SLC24A2: variants seen among roughly 807,000 people sequenced by gnomAD.
SLC24A2 encodes the protein sodium/potassium/calcium exchanger 2.
Under a neutral mutation model 62.0 loss-of-function variants are expected in SLC24A2, and 36 were observed. The ratio of observed to expected loss-of-function variants is 0.58; its 90% CI spans 0.44 to 0.77. SLC24A2 has a LOEUF of 0.77. Ranked by LOEUF, SLC24A2 falls within the 30% of genes least tolerant of loss-of-function variation. The pLI is 0.00. For missense variants in SLC24A2, 846 were observed against 817.9 expected (o/e 1.03, Z -0.42); for synonymous variants, 358 against 294.0 (o/e 1.22, Z -2.23).
chr9:19,570,859 A>C (rs1835816972), intron 7 of SLC24A2, among the ~76,000 whole-genome samples: 1 of 152,114 alleles, frequency 6.6e-6, no homozygotes, highest in Non-Finnish European at 1.5e-5. Context: ...GGCCCAGGTC[A>C]CCTGATTGCT....
chr9:19,899,795 A>G, the SLC24A2 span, among the ~76,000 whole-genome samples: 1,644 of 152,302 alleles, frequency 0.011, 34 homozygotes, highest in East Asian at 0.072. Flanking sequence ...CAAGGAGAAT[A>G]AGCAAAAGGG....
At chr9:19,773,697 T>C (rs1380026775) in intron 2 of SLC24A2, among the ~76,000 whole-genome samples, 1 of 152,162 alleles carries the variant, frequency 6.6e-6, no homozygotes, top group Non-Finnish European at 1.5e-5. Flanking sequence ...ACCAGTTAGT[T>C]ACTAAGTCAA....
the SLC24A2 span, among the ~76,000 whole-genome samples, chr9:20,178,598 T>C: frequency 1.3e-5 from 2 of 152,114 alleles, no homozygotes; most frequent in Admixed American, 6.6e-5. Context: ...GCTGCCATCC[T>C]TTGTGAAACG....
At chr9:19,894,611 A>AC in the SLC24A2 span, among the ~76,000 whole-genome samples, 3 of 151,764 alleles carry the variant, frequency 2.0e-5, no homozygotes, top group African/African-American at 7.3e-5. Flanking sequence ...TCCTAATTCA[A>AC]TTTTTTTTCT....
At chr9:19,978,950 G>A in the SLC24A2 span, among the ~76,000 whole-genome samples, 1 of 152,120 alleles carries the variant, frequency 6.6e-6, no homozygotes, top group African/African-American at 2.4e-5. Flanking sequence ...GAAAAATCTG[G>A]TTTATAAAGT....
chr9:19,932,599 C>T, the SLC24A2 span, among the ~76,000 whole-genome samples: 1 of 152,102 alleles, frequency 6.6e-6, no homozygotes, highest in African/African-American at 2.4e-5. Flanking sequence ...GAGAATTTAC[C>T]TAAGTTCACT....
the SLC24A2 span, among the ~76,000 whole-genome samples, chr9:20,243,676 A>G: frequency 1.3e-5 from 2 of 152,304 alleles, no homozygotes; most frequent in East Asian, 3.9e-4. Flanking sequence ...CAGCCTAGAC[A>G]ATGTCTTAGA....
the SLC24A2 span, among the ~76,000 whole-genome samples, chr9:19,899,406 C>G: frequency 1.1e-4 from 16 of 152,182 alleles, no homozygotes; most frequent in South Asian, 1.9e-3. Flanking sequence ...AGGGCTGGTA[C>G]TTCCTGAGTC....
chr9:19,792,574 G>T (rs1823331784), upstream of SLC24A2, among the ~76,000 whole-genome samples: 2 of 151,154 alleles, frequency 1.3e-5, no homozygotes, highest in Admixed American at 1.3e-4. Flanking sequence ...TGGGTGTGGT[G>T]GCAGGTGCCT....
At chr9:20,260,268 G>T in the SLC24A2 span, among the ~76,000 whole-genome samples, 5 of 152,228 alleles carry the variant, frequency 3.3e-5, 1 homozygote, top group East Asian at 9.7e-4. Context: ...CCAAATACTG[G>T]CATCTCAATC....
the SLC24A2 span, among the ~76,000 whole-genome samples, chr9:19,798,561 T>A: frequency 6.6e-6 from 1 of 151,484 alleles, no homozygotes; most frequent in Non-Finnish European, 1.5e-5. Flanking sequence ...TCCATTGCTT[T>A]TATATATGAA....
chr9:19,638,258 A>T (rs1221843094), intron 2 of SLC24A2, among the ~76,000 whole-genome samples: 1 of 152,168 alleles, frequency 6.6e-6, no homozygotes. Flanking sequence ...AGACCATTGG[A>T]GAGCACTGAG....
chr9:19,743,348 C>T (rs758351730), intron 2 of SLC24A2, among the ~76,000 whole-genome samples: 1 of 152,112 alleles, frequency 6.6e-6, no homozygotes, highest in Non-Finnish European at 1.5e-5. Context: ...TAATTAGCTG[C>T]TTTTTAAGGA....
At chr9:19,706,334 T>C (rs1199083615) in intron 2 of SLC24A2, among the ~76,000 whole-genome samples, 2 of 151,882 alleles carry the variant, frequency 1.3e-5, no homozygotes, top group African/African-American at 2.4e-5. Context: ...TGTCTCTGCA[T>C]GTGAGATGGG....
In SLC24A2 at chr9:19,507,598, A is replaced by G. The variant is rs1832547341; in HGVS notation, c.*8555T>C. On this transcript the variant is annotated 3_prime_UTR_variant, in exon 11 of 11. Transcript: ENST00000341998. ...ACAAGAAGAAACACCCTTTATCAGA[A>G]TGAAGTCCATGTGACAGAAGTACAT... 1 of 152,244 alleles carries G rather than the reference A, an allele frequency of 6.6e-6. No homozygotes were observed. Among genetic ancestry groups the G allele is most frequent in the Admixed American group, 6.5e-5 (1 of 15,280 alleles). 9.4% of individuals were successfully genotyped at this position (152,244 alleles called of 1,614,324 possible). A position where few individuals can be genotyped will look rare whatever the true frequency, so the allele number is the denominator to read the frequency against.
the SLC24A2 span, among the ~76,000 whole-genome samples, chr9:19,892,151 G>T: frequency 6.6e-6 from 1 of 151,574 alleles, no homozygotes; most frequent in East Asian, 1.9e-4. Context: ...TTTTTCTTCC[G>T]TTTAGAATGT....
the SLC24A2 span, among the ~76,000 whole-genome samples, chr9:20,016,224 T>C: frequency 2.0e-5 from 3 of 152,238 alleles, no homozygotes; most frequent in Non-Finnish European, 4.4e-5. Flanking sequence ...AGCTTGATTG[T>C]ACTGTATTAT....
chr9:19,731,980 T>C (rs894063593), intron 2 of SLC24A2, among the ~76,000 whole-genome samples: 1 of 152,032 alleles, frequency 6.6e-6, no homozygotes, highest in African/African-American at 2.4e-5. Context: ...TCTACCAGGG[T>C]TGTGAGGATT....
the SLC24A2 span, among the ~76,000 whole-genome samples, chr9:19,991,483 C>G: frequency 6.6e-6 from 1 of 152,180 alleles, no homozygotes; most frequent in African/African-American, 2.4e-5. Context: ...TTGGCAACAC[C>G]TCACAGACAC....
Sources: allele counts gnomAD v4.1 joint callset (sites outside exome capture counted in the v4.1 genomes callset), GRCh38; gene constraint gnomAD v4.1.1; transcripts MANE v1.5; gene names NCBI Gene and HGNC (gene_info 2026-07-23, HGNC 2026-07-21).